HDAC9: variants seen among roughly 807,000 people sequenced by gnomAD.
HDAC9 encodes the protein MEF-2 interacting transcription repressor (MITR) protein.
A neutral mutation model predicts 139.4 loss-of-function variants in HDAC9; 41 were observed. The observed-to-expected ratio is 0.29, with a 90% CI of 0.23 to 0.38. The LOEUF is 0.38. Ranked by LOEUF, HDAC9 falls within the 10% of genes least tolerant of loss-of-function variation. HDAC9 has a pLI of 1.00. For synonymous variants in HDAC9, 517 were observed against 476.2 expected, an observed-to-expected ratio of 1.09 and a Z score of -1.12; for missense variants, 1,147 against 1,297.0, an observed-to-expected ratio of 0.88 and a Z score of 1.78.
rs893365976 is a variant in HDAC9 at position 18,530,513 on chromosome 7, T to C, written c.22+34189T>C. Reference sequence around the variant, plus strand: ...AAATGATTTATACTGGTTTTCCATTTAATGAGCTGGCAGGGAGGATTTTTA... The same window carrying C: ...AAATGATTTATACTGGTTTTCCATTCAATGAGCTGGCAGGGAGGATTTTTA... On this transcript the variant is annotated intron_variant, in intron 2 of 25. Transcript: ENST00000686413. Among the ~76,000 whole-genome samples, 8 of 152,288 alleles carry C rather than the reference T, an allele frequency of 5.3e-5. No homozygotes were observed. The East Asian group carries it at 1.5e-3, about 29-fold the overall frequency.
chr7:18,298,382 C>G (rs957489334), intron 1 of HDAC9, among the ~76,000 whole-genome samples: 1 of 151,872 alleles, frequency 6.6e-6, no homozygotes, highest in African/African-American at 2.4e-5. Flanking sequence ...GTGCGCTACA[C>G]CCAGTAACTC....
At chr7:18,583,197 A>G (rs1352004469) in intron 2 of HDAC9, among the ~76,000 whole-genome samples, 1 of 152,192 alleles carries the variant, frequency 6.6e-6, no homozygotes, top group East Asian at 1.9e-4. Context: ...TCCATTTCAT[A>G]TAATAAAAAA....
intron 22 of HDAC9, among the ~76,000 whole-genome samples, chr7:18,933,456 G>C (rs1755940714): frequency 6.6e-6 from 1 of 152,056 alleles, no homozygotes; most frequent in Admixed American, 6.6e-5. Context: ...TCTCATTCAT[G>C]AAGACTCTAC....
intron 3 of HDAC9, among the ~76,000 whole-genome samples, chr7:18,589,040 C>G (rs1177525846): frequency 6.6e-6 from 1 of 152,122 alleles, no homozygotes; most frequent in Non-Finnish European, 1.5e-5. Flanking sequence ...GAGAGATATT[C>G]TCTCTCTTAC....
At chr7:18,487,809 G>A (rs1796082142) in intron 1 of HDAC9, among the ~76,000 whole-genome samples, 1 of 152,026 alleles carries the variant, frequency 6.6e-6, no homozygotes, top group Non-Finnish European at 1.5e-5. Context: ...AGATCATGGT[G>A]TGGTATGCCA....
intron 2 of HDAC9, among the ~76,000 whole-genome samples, chr7:18,195,733 C>T (rs1428662220): frequency 6.6e-6 from 1 of 152,120 alleles, no homozygotes; most frequent in Non-Finnish European, 1.5e-5. Flanking sequence ...GCACCTGTCA[C>T]TTTTTTGATG....
intron 1 of HDAC9, among the ~76,000 whole-genome samples, chr7:18,294,113 G>T (rs1413636872): frequency 2.6e-5 from 4 of 152,092 alleles, no homozygotes; most frequent in African/African-American, 9.7e-5. Context: ...AATAATCACA[G>T]TTTGTGCCCT....
intron 12 of HDAC9, among the ~76,000 whole-genome samples, chr7:18,674,326 C>T (rs917478794): frequency 1.3e-5 from 2 of 151,964 alleles, no homozygotes; most frequent in South Asian, 2.1e-4. Context: ...TGTGGTCAAC[C>T]TACAGTAATT....
chr7:18,157,477 G>C (rs1787296761), intron 1 of HDAC9, among the ~76,000 whole-genome samples: 1 of 152,092 alleles, frequency 6.6e-6, no homozygotes. Flanking sequence ...TACATTCCCT[G>C]GAGGCAGGGA....
At chr7:18,437,690 C>G (rs1264441055) in intron 1 of HDAC9, among the ~76,000 whole-genome samples, 3 of 151,502 alleles carry the variant, frequency 2.0e-5, no homozygotes, top group Non-Finnish European at 4.4e-5. Context: ...CTCTGATGCC[C>G]TTAACTGTTA....
At chr7:18,695,722 ACTTT>A (rs1262649134) in intron 12 of HDAC9, among the ~76,000 whole-genome samples, 1 of 152,162 alleles carries the variant, frequency 6.6e-6, no homozygotes, top group Non-Finnish European at 1.5e-5. Context: ...CCTCACCTGA[ACTTT>A]CTTTAACAAC....
At chr7:18,471,261 A>G (rs759521344) in intron 1 of HDAC9, among the ~76,000 whole-genome samples, 1 of 152,180 alleles carries the variant, frequency 6.6e-6, no homozygotes, top group Admixed American at 6.6e-5. Context: ...CATTTGTATT[A>G]CTTCACTCTC....
intron 21 of HDAC9, among the ~76,000 whole-genome samples, chr7:18,852,784 A>C (rs947505259): frequency 1.3e-5 from 2 of 152,134 alleles, no homozygotes; most frequent in African/African-American, 2.4e-5. Context: ...CTTGACATAA[A>C]AATTCAACTG....
intron 22 of HDAC9, among the ~76,000 whole-genome samples, chr7:18,882,991 T>C (rs1054800125): frequency 2.0e-5 from 3 of 152,168 alleles, no homozygotes; most frequent in Non-Finnish European, 4.4e-5. Flanking sequence ...GCATTTCACA[T>C]TTCTATATCT....
intron 22 of HDAC9, among the ~76,000 whole-genome samples, chr7:18,929,145 T>C (rs79467260): frequency 0.18 from 27,509 of 152,014 alleles, 2,784 homozygotes; most frequent in South Asian, 0.29. Context: ...ATATAAGGCT[T>C]AATCTTTGAG....
intron 12 of HDAC9, among the ~76,000 whole-genome samples, chr7:18,712,392 A>G (rs1426638579): frequency 6.6e-6 from 1 of 152,216 alleles, no homozygotes. Context: ...ACAGCAGTGC[A>G]TAGAGCTATT....
chr7:18,934,943 T>C (rs145401112), intron 22 of HDAC9, among the ~76,000 whole-genome samples: 52 of 152,196 alleles, frequency 3.4e-4, no homozygotes, highest in African/African-American at 1.1e-3. Context: ...TAACCTCTGT[T>C]GACATATAAT....
intron 2 of HDAC9, among the ~76,000 whole-genome samples, chr7:18,163,316 A>G (rs1787782510): frequency 6.6e-6 from 1 of 152,178 alleles, no homozygotes; most frequent in Non-Finnish European, 1.5e-5. Context: ...CTGAGTCTTT[A>G]GTCACAACCA....
At chr7:18,471,283 A>G (rs1450514415) in intron 1 of HDAC9, among the ~76,000 whole-genome samples, 1 of 152,192 alleles carries the variant, frequency 6.6e-6, no homozygotes, top group Non-Finnish European at 1.5e-5. Flanking sequence ...GCATACAGTG[A>G]TGGCCTGAAT....
Sources: gnomAD v4.1 joint callset for allele counts (sites outside exome capture counted in the v4.1 genomes callset) on GRCh38, gnomAD v4.1.1 for gene constraint, MANE v1.5 for transcripts, NCBI Gene and HGNC (gene_info 2026-07-23, HGNC 2026-07-21) for gene names.